Variants in SH3D19 observed in about 807,000 individuals in gnomAD.
The protein encoded by SH3D19 is SH3 domain containing 19.
Under a neutral mutation model 112.1 loss-of-function variants are expected in SH3D19, and 58 were observed. That is an observed-to-expected ratio of 0.52 (90% CI 0.42 to 0.64). The LOEUF (loss-of-function observed/expected upper bound fraction) is 0.64. Ranked by LOEUF, SH3D19 falls within the 30% of genes least tolerant of loss-of-function variation. The probability of loss-of-function intolerance (pLI) is 0.00; values close to 1 mark genes in which losing one functional copy is unlikely to be tolerated. For missense variants in SH3D19, 1,090 were observed against 1,263.4 expected (o/e 0.86, Z 2.08); for synonymous variants, 391 against 448.5 (o/e 0.87, Z 1.62).
chr4:151,161,314 C>T (rs1305293461), intron 8 of SH3D19, among the ~76,000 whole-genome samples: 1 of 152,176 alleles, frequency 6.6e-6, no homozygotes, highest in Non-Finnish European at 1.5e-5. Context: ...CACCACGAAG[C>T]TATCCCCTTT....
intron 1 of SH3D19, among the ~76,000 whole-genome samples, chr4:151,234,376 T>C (rs1173248088): frequency 6.6e-6 from 1 of 152,212 alleles, no homozygotes; most frequent in Non-Finnish European, 1.5e-5. Context: ...CCATCTGTAT[T>C]GCCCCTTTTC....
chr4:151,250,865 GCA>G (rs1022726383), intron 1 of SH3D19, among the ~76,000 whole-genome samples: 2 of 152,164 alleles, frequency 1.3e-5, no homozygotes, highest in African/African-American at 4.8e-5. Flanking sequence ...CCAAAAAGGA[GCA>G]CAGTTTGGCT....
At chr4:151,251,712 C>G (rs1771422966) in intron 1 of SH3D19, among the ~76,000 whole-genome samples, 1 of 152,162 alleles carries the variant, frequency 6.6e-6, no homozygotes, top group Non-Finnish European at 1.5e-5. Context: ...AAACCTCACC[C>G]TGCTTGCAGC....
At chr4:151,180,659 G>A (rs182974251) in intron 3 of SH3D19, among the ~76,000 whole-genome samples, 390 of 151,002 alleles carry the variant, frequency 2.6e-3, no homozygotes, top group Non-Finnish European at 3.9e-3. Flanking sequence ...ACCCGCCTTG[G>A]CCTCCCAAAG....
At chr4:151,154,846 T>C (rs1342807284) in intron 9 of SH3D19, among the ~76,000 whole-genome samples, 1 of 152,028 alleles carries the variant, frequency 6.6e-6, no homozygotes, top group Non-Finnish European at 1.5e-5. Flanking sequence ...CAACCTCCAC[T>C]TCCTGAGTTC....
intron 2 of SH3D19, among the ~76,000 whole-genome samples, chr4:151,214,325 G>A (rs1303444159): frequency 6.7e-6 from 1 of 148,586 alleles, no homozygotes; most frequent in East Asian, 2.0e-4. Flanking sequence ...ACCTTTCCCC[G>A]CTTTCTATTC....
At chr4:151,273,345 C>T (rs545125993) in intron 1 of SH3D19, among the ~76,000 whole-genome samples, 4 of 152,154 alleles carry the variant, frequency 2.6e-5, no homozygotes, top group South Asian at 4.2e-4. Context: ...AATCCCAGCA[C>T]TTTGGGAGGC....
chr4:151,177,614 G>A (rs1760149902), intron 4 of SH3D19, among the ~76,000 whole-genome samples: 1 of 152,200 alleles, frequency 6.6e-6, no homozygotes, highest in African/African-American at 2.4e-5. Context: ...CTCCCAAAGT[G>A]CTGGGATTAG....
intron 7 of SH3D19, 48 bp from the exon 8 acceptor site, chr4:151,165,744 G>T: frequency 6.7e-7 from 1 of 1,481,818 alleles, no homozygotes; most frequent in Non-Finnish European, 9.4e-7. Flanking sequence ...AACATGGACT[G>T]AAACAAAAAA....
At chr4:151,256,415 G>T (rs186989917) in intron 1 of SH3D19, among the ~76,000 whole-genome samples, 1 of 152,298 alleles carries the variant, frequency 6.6e-6, no homozygotes, top group East Asian at 1.9e-4. Flanking sequence ...CTTCTATTAG[G>T]TTCCACTTTT....
In SH3D19 at chr4:151,209,991, C is replaced by G. The variant is rs575987608; in HGVS notation, c.152+16056G>C. On this transcript the variant is annotated intron_variant, in intron 2 of 19. Transcript: ENST00000604030. The stretch of plus-strand genomic sequence containing the variant: ...ATTGGACACCTTCTAGGACAGAGTT[C>G]TATTAGCTATGGCCAAATAGCGTAG... Among the ~76,000 whole-genome samples, 4 of 152,254 alleles carry G rather than the reference C, an allele frequency of 2.6e-5. No homozygotes were observed. In the South Asian group the frequency reaches 8.3e-4, roughly 32 times the overall value.
At chr4:151,278,453 G>GAA in intron 1 of SH3D19, among the ~76,000 whole-genome samples, 1 of 141,992 alleles carries the variant, frequency 7.0e-6, no homozygotes, top group East Asian at 2.1e-4. Context: ...CCCAAAAGAA[G>GAA]AAAAAAAAAA....
At chr4:151,240,555 T>C (rs983515962) in intron 1 of SH3D19, among the ~76,000 whole-genome samples, 1 of 151,966 alleles carries the variant, frequency 6.6e-6, no homozygotes, top group Non-Finnish European at 1.5e-5. Context: ...ATATTTAATT[T>C]TAAGAAGTTA....
intron 4 of SH3D19, among the ~76,000 whole-genome samples, chr4:151,178,678 T>C (rs891075510): frequency 5.3e-5 from 8 of 152,186 alleles, no homozygotes; most frequent in African/African-American, 1.9e-4. Context: ...GGATTTGAAT[T>C]TGGTTCTGAC....
intron 3 of SH3D19, among the ~76,000 whole-genome samples, chr4:151,184,956 C>T (rs1761511772): frequency 6.6e-6 from 1 of 151,264 alleles, no homozygotes; most frequent in African/African-American, 2.4e-5. Context: ...TTTGCTTGGC[C>T]TGGTTTAGTA....
chr4:151,274,679 T>C (rs1432831186), intron 1 of SH3D19, among the ~76,000 whole-genome samples: 17 of 152,356 alleles, frequency 1.1e-4, no homozygotes, highest in African/African-American at 1.2e-4. Flanking sequence ...GGTTGTCCTA[T>C]GGCAGCTCCA....
At chr4:151,324,765 G>A (rs1473708748) in intron 1 of SH3D19, among the ~76,000 whole-genome samples, 1 of 150,694 alleles carries the variant, frequency 6.6e-6, no homozygotes, top group Admixed American at 6.6e-5. Context: ...TGGTGAGCTC[G>A]GCGGCTGGGG....
intron 2 of SH3D19, among the ~76,000 whole-genome samples, chr4:151,190,562 G>A (rs964178115): frequency 5.9e-5 from 9 of 152,238 alleles, no homozygotes; most frequent in Admixed American, 1.3e-4. Context: ...AGGGGACAAC[G>A]TAGAGCTTGG....
intron 2 of SH3D19, among the ~76,000 whole-genome samples, chr4:151,223,886 A>C (rs10033263): frequency 0.99 from 151,444 of 152,332 alleles, 75,282 homozygotes; most frequent in East Asian, 1. Flanking sequence ...TAAATAGAAT[A>C]TCTGGGGTTG....
Sources: gnomAD v4.1 joint callset for allele counts (sites outside exome capture counted in the v4.1 genomes callset) on GRCh38, gnomAD v4.1.1 for gene constraint, MANE v1.5 for transcripts, NCBI Gene and HGNC (gene_info 2026-07-23, HGNC 2026-07-21) for gene names.